The following MYO1B variants were observed in gnomAD, a reference collection of about 807,000 sequenced individuals.
The protein encoded by MYO1B is unconventional myosin-Ib.
A neutral mutation model predicts 159.7 loss-of-function variants in MYO1B; 72 were observed. The observed-to-expected ratio is 0.45, with a 90% confidence interval of 0.37 to 0.55. The LOEUF is 0.55. Ranked by LOEUF, MYO1B falls within the 20% of genes least tolerant of loss-of-function variation. MYO1B has a pLI of 0.00. For missense variants in MYO1B, 1,062 were observed against 1,364.8 expected (o/e 0.78, Z 3.50); for synonymous variants, 468 against 473.8 (o/e 0.99, Z 0.16).
At chr2:191,285,674 A>G (rs1010564221) in intron 2 of MYO1B, among the ~76,000 whole-genome samples, 10 of 152,202 alleles carry the variant, frequency 6.6e-5, no homozygotes. Context: ...TATGAATAAG[A>G]GGCTTTGAAG....
intron 21 of MYO1B, among the ~76,000 whole-genome samples, chr2:191,397,853 G>C (rs534710565): frequency 7.0e-6 from 1 of 143,580 alleles, no homozygotes; most frequent in Non-Finnish European, 1.5e-5. Flanking sequence ...CAGACGGGGC[G>C]GCTGGCCAGG....
chr2:191,322,095 T>A (rs1690755888), intron 3 of MYO1B, among the ~76,000 whole-genome samples: 1 of 152,160 alleles, frequency 6.6e-6, no homozygotes, highest in Admixed American at 6.5e-5. Flanking sequence ...AGAAGTAGAA[T>A]TAGCCTTTTT....
chr2:191,295,904 A>G (rs1688954749), intron 2 of MYO1B, among the ~76,000 whole-genome samples: 1 of 152,196 alleles, frequency 6.6e-6, no homozygotes, highest in Non-Finnish European at 1.5e-5. Flanking sequence ...ATATAAATGT[A>G]TGCTTTCCAT....
intron 2 of MYO1B, among the ~76,000 whole-genome samples, chr2:191,277,271 A>G (rs998195551): frequency 2.0e-5 from 3 of 152,200 alleles, no homozygotes; most frequent in African/African-American, 7.2e-5. Flanking sequence ...TGTTGGGGGC[A>G]TTCTAAAGCA....
intron 13 of MYO1B, among the ~76,000 whole-genome samples, chr2:191,376,121 TAAG>T: frequency 6.6e-6 from 1 of 152,328 alleles, no homozygotes; most frequent in South Asian, 2.1e-4. Flanking sequence ...TTAAAATGTT[TAAG>T]AAGAGCACGA....
chr2:191,349,811 A>G (rs1692797605), intron 6 of MYO1B, among the ~76,000 whole-genome samples: 1 of 152,190 alleles, frequency 6.6e-6, no homozygotes, highest in Non-Finnish European at 1.5e-5. Flanking sequence ...TATCTTCCCA[A>G]CCAGTCTGTA....
intron 2 of MYO1B, among the ~76,000 whole-genome samples, chr2:191,285,626 C>T (rs13002286): frequency 0.36 from 54,310 of 151,890 alleles, 10,206 homozygotes; most frequent in Middle Eastern, 0.52. Context: ...GTGATGAAGT[C>T]GAGAGGAGTA....
chr2:191,298,766 A>G lies in MYO1B; in HGVS notation c.251+2540A>G, dbSNP rs576567826. ...TATAACTCATTTCATTCTGAAAATA[A>G]TCTTGTGAGATAGGCACTATTACAA... On this transcript the variant is annotated intron_variant, in intron 3 of 30. Transcript: ENST00000392318. Among the ~76,000 whole-genome samples the G allele has an allele frequency of 2.4e-3, 361 of 152,348 alleles. 1 individual carries two copies. Among genetic ancestry groups the G allele is most frequent in the Non-Finnish European group, 3.9e-3 (263 of 68,034 alleles).
chr2:191,355,132 G>A (rs1190630903), intron 7 of MYO1B, among the ~76,000 whole-genome samples: 1 of 152,198 alleles, frequency 6.6e-6, no homozygotes, highest in African/African-American at 2.4e-5. Context: ...ATGTGAATGA[G>A]CTTGGGTTAG....
At chr2:191,392,023 A>G in intron 18 of MYO1B, 85 bp from the exon 19 acceptor site, 1 of 873,756 alleles carries the variant, frequency 1.1e-6, no homozygotes, top group Non-Finnish European at 1.8e-6. Flanking sequence ...TATGTTTTAT[A>G]CCACTGAGAA....
In MYO1B at chr2:191,296,501, A is replaced by AT. The variant is rs765410235; in HGVS notation, c.251+280dup. On this transcript the variant is annotated intron_variant, in intron 3 of 30. Coordinates refer to ENST00000392318, the MANE Select transcript of MYO1B (RefSeq NM_001130158.3). ...TTGCAAGTAGCAGCTGCTGCTAATT[A>AT]TTTTTGCAAATAAAACAGGAATGTG... Among the ~76,000 whole-genome samples, 18 of 152,330 alleles carry AT rather than the reference A, an allele frequency of 1.2e-4. No individual in the cohort carries two copies. In the East Asian group the frequency reaches 3.3e-3, roughly 28 times the overall value.
chr2:191,246,558 C>G (rs997292241), intron 1 of MYO1B, among the ~76,000 whole-genome samples: 1 of 149,630 alleles, frequency 6.7e-6, no homozygotes, highest in African/African-American at 2.6e-5. Flanking sequence ...AAGCCCCCCC[C>G]CCTTTTTTTT....
At chr2:191,398,957 G>A (rs2126128860) in intron 21 of MYO1B, among the ~76,000 whole-genome samples, 1 of 152,354 alleles carries the variant, frequency 6.6e-6, no homozygotes, top group South Asian at 2.1e-4. Context: ...TCACGCCACT[G>A]CACTCCAGCC....
At chr2:191,413,322 C>CT (rs1280069033) in intron 27 of MYO1B, among the ~76,000 whole-genome samples, 1 of 152,164 alleles carries the variant, frequency 6.6e-6, no homozygotes, top group Admixed American at 6.6e-5. Context: ...GCAAAATCAT[C>CT]TAACACAAAG....
intron 3 of MYO1B, among the ~76,000 whole-genome samples, chr2:191,301,724 C>T (rs762658880): frequency 6.4e-4 from 97 of 152,368 alleles, no homozygotes; most frequent in African/African-American, 2.3e-3. Context: ...AAGCGATACT[C>T]AGTCGATACT....
At chr2:191,404,017 C>T (rs1696762346) in intron 24 of MYO1B, among the ~76,000 whole-genome samples, 1 of 152,132 alleles carries the variant, frequency 6.6e-6, no homozygotes, top group Admixed American at 6.5e-5. Context: ...TTTTTCCTCT[C>T]AGTCTCCAAC....
chr2:191,328,957 C>T (rs1186072179), intron 3 of MYO1B, among the ~76,000 whole-genome samples: 1 of 152,114 alleles, frequency 6.6e-6, no homozygotes, highest in Non-Finnish European at 1.5e-5. Flanking sequence ...TCCATTTTCT[C>T]TTTCTCTTTC....
chr2:191,263,384 A>T lies in MYO1B; in HGVS notation c.-9-13503A>T, dbSNP rs961632816. On this transcript the variant is annotated intron_variant, in intron 1 of 30. Coordinates refer to ENST00000392318, the MANE Select transcript of MYO1B (RefSeq NM_001130158.3). Reference sequence around the variant, plus strand: ...AGTGGAAAAAGCAATGGAGAAGAAAAGTTGGTAAGCAGTTTTAATTTCTAA... The same window carrying T: ...AGTGGAAAAAGCAATGGAGAAGAAATGTTGGTAAGCAGTTTTAATTTCTAA... 3.2e-5 allele frequency: 31 copies of T among 973,624 alleles called. No individual in the cohort carries two copies. The African/African-American group carries it at 5.3e-4, about 17-fold the overall frequency. The allele number at this position is 973,624 out of a possible 1,614,324, so 60.3% of individuals were successfully genotyped here. A position where few individuals can be genotyped will look rare whatever the true frequency, so the allele number is the denominator to read the frequency against.
intron 7 of MYO1B, 138 bp downstream of exon 7, chr2:191,350,363 A>C (rs1692832816): frequency 1.8e-6 from 1 of 551,748 alleles, no homozygotes; most frequent in Admixed American, 3.5e-5. Flanking sequence ...TAAGCTTTGC[A>C]TTTCAGATTG....
Sources: gnomAD v4.1 joint callset for allele counts (sites outside exome capture counted in the v4.1 genomes callset) on GRCh38, gnomAD v4.1.1 for gene constraint, MANE v1.5 for transcripts, NCBI Gene and HGNC (gene_info 2026-07-23, HGNC 2026-07-21) for gene names.